The following STK40 variants were observed in gnomAD, a reference collection of about 807,000 sequenced individuals.
The protein encoded by STK40 is serine/threonine kinase 40.
STK40 carries 13 observed loss-of-function variants against 47.9 expected under a neutral mutation model. That is an observed-to-expected ratio of 0.27 (90% CI 0.18 to 0.43). The LOEUF (loss-of-function observed/expected upper bound fraction) is 0.43. Among genes scored for constraint, STK40 ranks in the 20% least tolerant of loss-of-function variants. The probability of loss-of-function intolerance (pLI) is 1.00; values close to 1 mark genes in which losing one functional copy is unlikely to be tolerated. For missense variants in STK40, 460 were observed against 595.1 expected, an observed-to-expected ratio of 0.77 and a Z score of 2.36; for synonymous variants, 225 against 243.2, an observed-to-expected ratio of 0.93 and a Z score of 0.69.
rs112684860 is a variant in STK40 at position 36,358,502 on chromosome 1, C to T, written c.199-120G>A. ...ATGACATTTGTGCACAATGCACACA[C>T]AAACACACCAAGTGAAATCGTTTTT... On this transcript the variant is annotated intron_variant, in intron 3 of 10. Transcript: ENST00000373132. 1.8e-5 allele frequency: 24 copies of T among 1,359,130 alleles called. 1 individual carries two copies. The highest frequency in any genetic ancestry group is 1.6e-4 in the African/African-American group (11 of 69,158). The allele number at this position is 1,359,130 out of a possible 1,614,324, so 84.2% of individuals were successfully genotyped here.
chr1:36,348,382 C>G (rs1211055058), intron 7 of STK40, among the ~76,000 whole-genome samples: 1 of 152,220 alleles, frequency 6.6e-6, no homozygotes, highest in African/African-American at 2.4e-5. Flanking sequence ...CCAGGGAATT[C>G]CTAGTTTCCC....
intron 6 of STK40, 149 bp downstream of exon 6, chr1:36,354,215 A>G (rs1396328596): frequency 2.6e-6 from 2 of 781,438 alleles, no homozygotes; most frequent in South Asian, 3.2e-5. Flanking sequence ...TCCCATGTTC[A>G]TCCCATCCCG....
chr1:36,352,139 G>T (rs1341630673), intron 6 of STK40, among the ~76,000 whole-genome samples: 5 of 152,190 alleles, frequency 3.3e-5, no homozygotes, highest in Non-Finnish European at 5.9e-5. Context: ...CTCCTCTCAT[G>T]ATGCAGAGCT....
chr1:36,372,423 C>CAAAAAAAAAAAAAAAAAAAAAAAAAAA (rs796595993), intron 1 of STK40, among the ~76,000 whole-genome samples: 2 of 39,600 alleles, frequency 5.1e-5, no homozygotes, highest in Middle Eastern at 0.017. Flanking sequence ...GACCTTGTCT[C>CAAAAAAAAAAAAAAAAAAAAAAAAAAA]AAAAAAAAAA....
intron 7 of STK40, among the ~76,000 whole-genome samples, chr1:36,346,216 G>T (rs1257720244): frequency 6.6e-6 from 1 of 151,476 alleles, no homozygotes; most frequent in Non-Finnish European, 1.5e-5. Flanking sequence ...GGATGGTCTC[G>T]ATCTCCTGAC....
intron 1 of STK40, among the ~76,000 whole-genome samples, chr1:36,370,086 G>T (rs1646932597): frequency 6.6e-6 from 1 of 152,236 alleles, no homozygotes; most frequent in African/African-American, 2.4e-5. Context: ...AGTCTGTCCA[G>T]GAAAAGTCCC....
At chr1:36,373,480 T>C (rs1028100791) in intron 1 of STK40, among the ~76,000 whole-genome samples, 6 of 152,204 alleles carry the variant, frequency 3.9e-5, no homozygotes, top group Admixed American at 1.3e-4. Flanking sequence ...GCTTTTCCAC[T>C]GAGTCTGAAT....
At chr1:36,350,572 C>T (rs1430197101) in intron 6 of STK40, among the ~76,000 whole-genome samples, 1 of 152,252 alleles carries the variant, frequency 6.6e-6, no homozygotes, top group East Asian at 1.9e-4. Flanking sequence ...CAGCACCAAA[C>T]TCCAGAACTG....
chr1:36,348,386 G>A (rs1189892167), intron 7 of STK40, among the ~76,000 whole-genome samples: 1 of 152,218 alleles, frequency 6.6e-6, no homozygotes, highest in Non-Finnish European at 1.5e-5. Context: ...GGAATTCCTA[G>A]TTTCCCTTAA....
intron 5 of STK40, among the ~76,000 whole-genome samples, chr1:36,354,620 A>T (rs1646786370): frequency 6.6e-6 from 1 of 152,156 alleles, no homozygotes; most frequent in Non-Finnish European, 1.5e-5. Context: ...ATGTGCACCT[A>T]GTCAGTGTCT....
At position 36,385,873 on chromosome 1, in the gene STK40, G is replaced by A. The variant is rs182679048; in HGVS notation, c.-159C>T. The A allele has an allele frequency of 0.011, 1,942 of 177,446 alleles. 19 individuals are homozygous for A. Among genetic ancestry groups the A allele is most frequent in the Middle Eastern group, 0.085 (32 of 378 alleles). 11.0% of individuals were successfully genotyped at this position (177,446 alleles called of 1,614,324 possible). Reference sequence around the variant, plus strand: ...CGCAGCCACCCGAGCCGCCGCCGCCGCCGCCGCCGCCTCCCTCCATGGCTG... The same window carrying A: ...CGCAGCCACCCGAGCCGCCGCCGCCACCGCCGCCGCCTCCCTCCATGGCTG... On this transcript the variant is annotated 5_prime_UTR_variant, in exon 1 of 11. Transcript: ENST00000373132.
At chr1:36,349,281 G>T (rs1646730523) in intron 6 of STK40, among the ~76,000 whole-genome samples, 1 of 152,238 alleles carries the variant, frequency 6.6e-6, no homozygotes, top group Non-Finnish European at 1.5e-5. Flanking sequence ...CCCAAGGGCT[G>T]GCCCCGAGCC....
At chr1:36,370,880 CTTT>C (rs776772949) in intron 1 of STK40, among the ~76,000 whole-genome samples, 14 of 141,564 alleles carry the variant, frequency 9.9e-5, no homozygotes, top group Middle Eastern at 3.6e-3. Flanking sequence ...CCGTACTACA[CTTT>C]TTTTTTTTTT....
rs1570451807 is a variant in STK40, at chr1:36,361,404, G to A, written c.-8-64C>T. ...CAGCGAGTTTCCTTATGCTAACCCA[G>A]CCTGCAGGCCTTTGACTTGGGATGC... is the stretch of plus-strand genomic sequence containing the variant. On this transcript the variant is annotated intron_variant, in intron 1 of 10. Transcript: ENST00000373132. 12 of 1,600,632 alleles carry A rather than the reference G, an allele frequency of 7.5e-6. No individual in the cohort carries two copies. The East Asian group carries it at 2.5e-4, about 33-fold the overall frequency.
chr1:36,376,227 C>T (rs1646991303), intron 1 of STK40, among the ~76,000 whole-genome samples: 1 of 152,128 alleles, frequency 6.6e-6, no homozygotes, highest in East Asian at 1.9e-4. Context: ...CACGGCAGAT[C>T]ACGAGGGCCA....
rs1397563006 is a variant in STK40 at position 36,360,552 on chromosome 1, TAGAG to T, written c.112+665_112+668del. Among the ~76,000 whole-genome samples, 400 of 151,656 alleles carry T rather than the reference TAGAG, an allele frequency of 2.6e-3. 4 individuals are homozygous for T. The highest frequency in any genetic ancestry group is 9.2e-3 in the African/African-American group (379 of 41,236). ...TTTATTTTATTTTATTTTATTTTTTTAGAGAGAGAGTCTCGCACCGTTGCCTAGG... is the reference window on the plus strand; with the variant it reads ...TTTATTTTATTTTATTTTATTTTTTTAGAGAGTCTCGCACCGTTGCCTAGG... On this transcript the variant is annotated intron_variant, in intron 2 of 10. Coordinates refer to ENST00000373132, the MANE Select transcript of STK40 (RefSeq NM_001282547.2).
intron 1 of STK40, among the ~76,000 whole-genome samples, chr1:36,382,242 C>T (rs1647045904): frequency 6.6e-6 from 1 of 151,954 alleles, no homozygotes; most frequent in South Asian, 2.1e-4. Context: ...TGCAGTGGTG[C>T]AATCTCGGCT....
intron 1 of STK40, among the ~76,000 whole-genome samples, chr1:36,369,688 C>T (rs917081707): frequency 3.3e-5 from 5 of 152,354 alleles, no homozygotes; most frequent in African/African-American, 1.2e-4. Context: ...CCTGAGTACA[C>T]CTCCGTCCCC....
chr1:36,378,930 AG>A (rs1450935353), intron 1 of STK40, among the ~76,000 whole-genome samples: 1 of 152,200 alleles, frequency 6.6e-6, no homozygotes, highest in African/African-American at 2.4e-5. Context: ...TGCCAGCAAC[AG>A]GATTCCAAAA....
Sources: allele counts gnomAD v4.1 joint callset (sites outside exome capture counted in the v4.1 genomes callset), GRCh38; gene constraint gnomAD v4.1.1; transcripts MANE v1.5; gene names NCBI Gene and HGNC (gene_info 2026-07-23, HGNC 2026-07-21).